EFCAB6: variants seen among roughly 807,000 people sequenced by gnomAD.
EFCAB6 encodes the protein EF-hand calcium-binding domain-containing protein 6.
EFCAB6 carries 156 observed loss-of-function variants against 169.8 expected under a neutral mutation model. The ratio of observed to expected loss-of-function variants is 0.92; its 90% confidence interval spans 0.81 to 1.05. EFCAB6 has a LOEUF of 1.05. Ranked by LOEUF, EFCAB6 falls within the 50% of genes least tolerant of loss-of-function variation. EFCAB6 has a pLI of 0.00. For missense variants in EFCAB6, 1,800 were observed against 1,829.1 expected, an observed-to-expected ratio of 0.98 and a Z score of 0.29; for synonymous variants, 698 against 676.4, an observed-to-expected ratio of 1.03 and a Z score of -0.50.
At chr22:43,551,583 G>C (rs1380636249) in intron 27 of EFCAB6, among the ~76,000 whole-genome samples, 1 of 152,116 alleles carries the variant, frequency 6.6e-6, no homozygotes, top group Non-Finnish European at 1.5e-5. Context: ...TGTGTGGCAT[G>C]GTGTTTGCTG....
intron 8 of EFCAB6, among the ~76,000 whole-genome samples, chr22:43,723,847 G>A (rs1477861877): frequency 8.5e-5 from 13 of 152,242 alleles, no homozygotes; most frequent in Admixed American, 8.5e-4. Context: ...GAATGTGGGG[G>A]CAGAGTCCGG....
At chr22:43,601,334 TAAAG>T (rs2052507858) in intron 22 of EFCAB6, among the ~76,000 whole-genome samples, 1 of 152,238 alleles carries the variant, frequency 6.6e-6, no homozygotes, top group Non-Finnish European at 1.5e-5. Context: ...CAATTTTCTT[TAAAG>T]AAAGAAAGCA....
chr22:43,695,448 C>T (rs1240985171), intron 10 of EFCAB6, among the ~76,000 whole-genome samples: 3 of 151,792 alleles, frequency 2.0e-5, no homozygotes, highest in Non-Finnish European at 4.4e-5. Flanking sequence ...TAATATAAAT[C>T]CTAGCAGGCT....
At chr22:43,668,002 A>T (rs982543310) in intron 16 of EFCAB6, among the ~76,000 whole-genome samples, 6 of 152,182 alleles carry the variant, frequency 3.9e-5, no homozygotes, top group African/African-American at 1.4e-4. Flanking sequence ...TGGGAAAGCT[A>T]CATTTTATGA....
chr22:43,615,438 T>C (rs970747741), intron 21 of EFCAB6, among the ~76,000 whole-genome samples: 3 of 152,248 alleles, frequency 2.0e-5, no homozygotes, highest in African/African-American at 4.8e-5. Context: ...GTTTATATTG[T>C]ATAAAATTAA....
intron 2 of EFCAB6, among the ~76,000 whole-genome samples, chr22:43,808,641 G>C (rs570724490): frequency 6.6e-6 from 1 of 152,250 alleles, no homozygotes; most frequent in South Asian, 2.1e-4. Flanking sequence ...ATCAGACAGA[G>C]CATTGGGCAA....
intron 24 of EFCAB6, among the ~76,000 whole-genome samples, chr22:43,583,872 G>C (rs2050887528): frequency 6.6e-6 from 1 of 151,668 alleles, no homozygotes; most frequent in African/African-American, 2.4e-5. Context: ...ATTTTTTTAT[G>C]GCAGCCCAAA....
chr22:43,686,557 G>A (rs1360371533), intron 11 of EFCAB6, among the ~76,000 whole-genome samples: 1 of 152,152 alleles, frequency 6.6e-6, no homozygotes, highest in Non-Finnish European at 1.5e-5. Context: ...TATTGGACAA[G>A]AAAATTAAAA....
intron 3 of EFCAB6, among the ~76,000 whole-genome samples, chr22:43,775,277 C>T (rs1414766621): frequency 6.6e-6 from 1 of 152,050 alleles, no homozygotes; most frequent in East Asian, 1.9e-4. Context: ...GGCAAGATCT[C>T]CCAACACAAT....
rs776687938 is a variant in EFCAB6 at position 43,731,806 on chromosome 22, G to A, written c.650C>T (p.Ser217Leu). ...KLRDEEYEKF[S>L]KHYNIHKDTA... ...ATCCTTGTGGATGTTGTAGTGTTTC[G>A]AAAACCTAAAATACAAATGTTCTTT... Residue 217 changes from serine (S) to leucine (L), a missense_variant, in exon 8 of 32, where the codon TCG (serine) becomes TTG (leucine). Physicochemically the swap from Ser to Leu is moderately radical, Grantham distance 145. Transcript: ENST00000262726. The A allele has an allele frequency of 4.5e-6, 7 of 1,560,096 alleles. No individual in the cohort carries two copies. Among genetic ancestry groups the A allele is most frequent in the Admixed American group, 4.1e-5 (2 of 48,220 alleles).
At chr22:43,723,746 G>A (rs558839634) in intron 8 of EFCAB6, among the ~76,000 whole-genome samples, 12 of 152,298 alleles carry the variant, frequency 7.9e-5, no homozygotes, top group Non-Finnish European at 1.5e-4. Context: ...CTGGGCCCAC[G>A]TGAGCCCCAG....
At chr22:43,547,123 C>T (rs1191895101) in intron 27 of EFCAB6, among the ~76,000 whole-genome samples, 1 of 151,956 alleles carries the variant, frequency 6.6e-6, no homozygotes, top group Non-Finnish European at 1.5e-5. Flanking sequence ...GGAGAAAAAA[C>T]AAGATAGATC....
chr22:43,745,771 TA>T (rs1178246192), intron 6 of EFCAB6, among the ~76,000 whole-genome samples: 3 of 152,382 alleles, frequency 2.0e-5, no homozygotes, highest in East Asian at 1.9e-4. Context: ...CTATTTTGTA[TA>T]AAATCTTTAA....
At chr22:43,562,969 G>A (rs976233607) in intron 26 of EFCAB6, among the ~76,000 whole-genome samples, 2 of 152,150 alleles carry the variant, frequency 1.3e-5, no homozygotes, top group Non-Finnish European at 2.9e-5. Flanking sequence ...GGCACAGCAC[G>A]GCCGCCTGCT....
intron 17 of EFCAB6, among the ~76,000 whole-genome samples, chr22:43,636,223 CA>C (rs1372110581): frequency 6.6e-6 from 1 of 152,062 alleles, no homozygotes; most frequent in Admixed American, 6.5e-5. Flanking sequence ...GTGAGGAATA[CA>C]CAGGTTATCA....
intron 6 of EFCAB6, among the ~76,000 whole-genome samples, chr22:43,743,925 T>C (rs1018148683): frequency 6.7e-6 from 1 of 149,272 alleles, no homozygotes; most frequent in African/African-American, 2.5e-5. Flanking sequence ...GATGAATGGA[T>C]GGATGATGAA....
chr22:43,755,349 C>G (rs1207897941), intron 6 of EFCAB6, among the ~76,000 whole-genome samples: 2 of 152,204 alleles, frequency 1.3e-5, no homozygotes, highest in African/African-American at 2.4e-5. Flanking sequence ...TTACTCAATA[C>G]TTAAGTATAT....
chr22:43,590,045 G>A, intron 24 of EFCAB6, 29 bp downstream of exon 24: 2 of 1,600,096 alleles, frequency 1.2e-6, no homozygotes, highest in Non-Finnish European at 1.7e-6. Flanking sequence ...AGGGCCATGA[G>A]AAACATATTT....
At chr22:43,766,301 G>C (rs1216446282) in intron 4 of EFCAB6, among the ~76,000 whole-genome samples, 2 of 151,968 alleles carry the variant, frequency 1.3e-5, no homozygotes, top group African/African-American at 4.8e-5. Flanking sequence ...CCAAAGTACT[G>C]GGATTACAGG....
Sources: allele counts gnomAD v4.1 joint callset (sites outside exome capture counted in the v4.1 genomes callset), GRCh38; gene constraint gnomAD v4.1.1; transcripts MANE v1.5; gene names NCBI Gene and HGNC (gene_info 2026-07-23, HGNC 2026-07-21).